The following NOP58 variants were observed in gnomAD, a reference collection of about 807,000 sequenced individuals.
NOP58 encodes NOP58 ribonucleoprotein, also known as nucleolar protein 58.
NOP58 carries 44 observed loss-of-function variants against 71.2 expected under a neutral mutation model. The ratio of observed to expected loss-of-function variants is 0.62; its 90% CI spans 0.49 to 0.79. The LOEUF (loss-of-function observed/expected upper bound fraction) is 0.79, where lower values mean the gene tolerates loss of function less well. Among genes scored for constraint, NOP58 ranks in the 30% least tolerant of loss-of-function variants. The pLI is 0.00. For missense variants in NOP58, 538 were observed against 620.2 expected, an observed-to-expected ratio of 0.87 and a Z score of 1.41; for synonymous variants, 228 against 200.3, an observed-to-expected ratio of 1.14 and a Z score of -1.17.
chr2:202,297,287 AAT>A, intron 10 of NOP58, 90 bp from the exon 11 acceptor site: 1 of 1,183,696 alleles, frequency 8.4e-7, no homozygotes, highest in South Asian at 1.5e-5. Context: ...TATGATTCAT[AAT>A]AGTTTTATAA....
chr2:202,268,634 G>A (rs965056329), intron 1 of NOP58, among the ~76,000 whole-genome samples: 4 of 150,750 alleles, frequency 2.7e-5, no homozygotes, highest in South Asian at 4.2e-4. Context: ...TTTTTGAGAC[G>A]GAGTTTCACT....
At chr2:202,277,606 C>T (rs902184694) in intron 2 of NOP58, among the ~76,000 whole-genome samples, 5 of 152,116 alleles carry the variant, frequency 3.3e-5, no homozygotes, top group Non-Finnish European at 5.9e-5. Flanking sequence ...AAAGGACTCA[C>T]GTACGTTTTC....
Position 202,275,142 on chromosome 2 carries a change from T to G in NOP58, c.75T>G (p.Val25=), listed in dbSNP as rs1283796147. 6.4e-7 allele frequency: 1 copy of G among 1,570,126 alleles called. No individual in the cohort carries two copies. Among genetic ancestry groups the G allele is most frequent in the Non-Finnish European group, 8.7e-7 (1 of 1,150,210 alleles). ...TAAATGAGAAGAAACTTCAAGAGGT[T>G]GATAGTTTATGGAAAGAATTTGAAA... The part of the protein sequence containing the change: ...KVLNEKKLQE[V]DSLWKEFETP... Residue 25 remains valine (V), a synonymous_variant, in exon 2 of 15, where the codon GTT becomes GTG. Coordinates refer to ENST00000264279, the MANE Select transcript of NOP58 (RefSeq NM_015934.5).
intron 13 of NOP58, among the ~76,000 whole-genome samples, chr2:202,301,748 A>G (rs1444719577): frequency 6.6e-6 from 1 of 151,828 alleles, no homozygotes; most frequent in Admixed American, 6.6e-5. Context: ...GCTCTACTCT[A>G]CCTGGACTAT....
chr2:202,279,055 A>T (rs781330466), intron 3 of NOP58, among the ~76,000 whole-genome samples: 5 of 152,210 alleles, frequency 3.3e-5, no homozygotes, highest in African/African-American at 7.2e-5. Flanking sequence ...TTTTAAAAAG[A>T]TAGCCTGTTC....
chr2:202,290,589 G>A lies in NOP58; in HGVS notation c.634+132G>A, dbSNP rs1688869727. 1.9e-5 allele frequency: 14 copies of A among 719,366 alleles called. No homozygotes were observed. In the South Asian group the frequency reaches 2.6e-4, roughly 13 times the overall value. 44.6% of individuals were successfully genotyped at this position (719,366 alleles called of 1,614,324 possible). ...AATTTCTGTGTATTTGGGAAGTGTA[G>A]CAGTTTAGTGTCTTAAATTTAAGAA... is the stretch of plus-strand genomic sequence containing the variant. On this transcript the variant is annotated intron_variant, in intron 7 of 14. Transcript: ENST00000264279.
chr2:202,282,467 A>G lies in NOP58; in HGVS notation c.292A>G (p.Ile98Val). 6.2e-7 allele frequency: 1 copy of G among 1,608,824 alleles called. No homozygotes were observed. Among genetic ancestry groups the G allele is most frequent in the Non-Finnish European group, 8.5e-7 (1 of 1,178,850 alleles). ...AGCTGATGCTAAACTAGGAGGGGTCATAAAGGTAAAGTCACGATATTTTTG... is the reference window on the plus strand; with the variant it reads ...AGCTGATGCTAAACTAGGAGGGGTCGTAAAGGTAAAGTCACGATATTTTTG... ...AVADAKLGGV[I>V]KEKLNLSCIH... The change falls in exon 4 of 15, where the codon ATA becomes GTA. Residue 98 changes from isoleucine to valine, a missense_variant. By Grantham distance (29) the Ile-to-Val change is conservative. Coordinates refer to ENST00000264279, the MANE Select transcript of NOP58 (RefSeq NM_015934.5).
At chr2:202,269,613 ACGC>A (rs1688482115) in intron 1 of NOP58, among the ~76,000 whole-genome samples, 1 of 152,108 alleles carries the variant, frequency 6.6e-6, no homozygotes, top group Non-Finnish European at 1.5e-5. Flanking sequence ...GCAGTGGCTC[ACGC>A]CTGTAACCCC....
intron 4 of NOP58, among the ~76,000 whole-genome samples, chr2:202,283,258 C>G (rs1332948209): frequency 6.6e-6 from 1 of 152,154 alleles, no homozygotes; most frequent in Non-Finnish European, 1.5e-5. Context: ...GAGACAGAGT[C>G]TCACTCTGTT....
At chr2:202,289,321 A>G (rs1185945497) in intron 6 of NOP58, among the ~76,000 whole-genome samples, 1 of 152,216 alleles carries the variant, frequency 6.6e-6, no homozygotes, top group Admixed American at 6.5e-5. Flanking sequence ...AATGTCCCTA[A>G]TCTGAAATTC....
At position 202,286,431 on chromosome 2, in the gene NOP58, G is replaced by T. The variant is rs569527383; in HGVS notation, c.435-1229G>T. ...GAGGCAGGAGAATGGCGTGAACCCG[G>T]GAGGTGGAGCTTGCAGTGAGTGGAG... is the stretch of plus-strand genomic sequence containing the variant. On this transcript the variant is annotated intron_variant, in intron 5 of 14. Coordinates refer to ENST00000264279, the MANE Select transcript of NOP58 (RefSeq NM_015934.5). Among the ~76,000 whole-genome samples, 3 of 151,902 alleles carry T rather than the reference G, an allele frequency of 2.0e-5. No homozygotes were observed. In the East Asian group the frequency reaches 5.8e-4, roughly 29 times the overall value.
chr2:202,274,662 C>T (rs917459954), intron 1 of NOP58, among the ~76,000 whole-genome samples: 12 of 151,876 alleles, frequency 7.9e-5, no homozygotes, highest in African/African-American at 2.9e-4. Context: ...CTCAGGAGGC[C>T]GAGGCACTAG....
intron 3 of NOP58, among the ~76,000 whole-genome samples, chr2:202,279,030 A>G (rs1334806808): frequency 6.6e-6 from 1 of 152,212 alleles, no homozygotes; most frequent in Admixed American, 6.5e-5. Context: ...CTGTGGTAAT[A>G]TTAACTTGGA....
intron 4 of NOP58, among the ~76,000 whole-genome samples, 172 bp from the exon 5 acceptor site, chr2:202,284,173 C>G (rs747609270): frequency 3.3e-5 from 5 of 151,812 alleles, no homozygotes; most frequent in African/African-American, 1.2e-4. Flanking sequence ...AATCCCAGGC[C>G]GAGACAGGAG....
chr2:202,292,979 A>G, intron 9 of NOP58, 76 bp downstream of exon 9: 1 of 1,520,674 alleles, frequency 6.6e-7, no homozygotes, highest in South Asian at 1.1e-5. Flanking sequence ...ACATCTTTAA[A>G]CTACAGCTGT....
intron 8 of NOP58, 90 bp downstream of exon 8, chr2:202,291,360 T>G: frequency 1.0e-6 from 1 of 956,030 alleles, no homozygotes; most frequent in Non-Finnish European, 1.5e-6. Context: ...TTACACTTAT[T>G]GTTGTTCACC....
rs747360206 is a variant in NOP58, at chr2:202,284,444, C to T, written c.397C>T (p.Arg133Cys). 2.3e-5 allele frequency: 37 copies of T among 1,613,668 alleles called. No homozygotes were observed. Among genetic ancestry groups the T allele is most frequent in the South Asian group, 4.4e-5 (4 of 91,026 alleles). Residue 133 changes from arginine (R) to cysteine (C), a missense_variant, in exon 5 of 15, where the codon CGT (arginine) becomes TGT (cysteine). Coordinates refer to ENST00000264279, the MANE Select transcript of NOP58 (RefSeq NM_015934.5). ...TGGATTAATCCCTGGGGTAGAACCA[C>T]GTGAAATGGCAGCTATGTGTCTTGG... ...MDGLIPGVEP[R>C]EMAAMCLGLA... is the part of the protein sequence containing the mutation.
rs1406395397 is a variant in NOP58 at position 202,275,091 on chromosome 2, CTATT to C, written c.46-19_46-16del. ...CCTCACCTGTACCATTTAAATAAAA[CTATT>C]TAAACATTTTATTACAGGTTCTAAA... On this transcript the variant is annotated intron_variant, in intron 1 of 14. Transcript: ENST00000264279. 5.8e-6 allele frequency: 7 copies of C among 1,210,654 alleles called. No homozygotes were observed. Among genetic ancestry groups the C allele is most frequent in the East Asian group, 2.3e-5 (1 of 42,974 alleles). The allele number at this position is 1,210,654 out of a possible 1,614,324, so 75.0% of individuals were successfully genotyped here.
intron 2 of NOP58, chr2:202,275,395 C>A: frequency 2.1e-6 from 1 of 469,282 alleles, no homozygotes; most frequent in Admixed American, 3.9e-5. Flanking sequence ...CAGTAGTCTC[C>A]CCCTTACCCA....
Sources: gnomAD v4.1 joint callset for allele counts (sites outside exome capture counted in the v4.1 genomes callset) on GRCh38, gnomAD v4.1.1 for gene constraint, MANE v1.5 for transcripts, NCBI Gene and HGNC (gene_info 2026-07-23, HGNC 2026-07-21) for gene names.